Variants in DCAF4 observed in about 807,000 individuals in gnomAD.
The protein encoded by DCAF4 is DDB1 and CUL4 associated factor 4.
Under a neutral mutation model 60.9 loss-of-function variants are expected in DCAF4, and 37 were observed. The observed-to-expected ratio is 0.61, with a 90% CI of 0.47 to 0.80. The LOEUF is 0.80. Among genes scored for constraint, DCAF4 ranks in the 30% least tolerant of loss-of-function variants. DCAF4 has a pLI of 0.00. For missense variants in DCAF4, 577 were observed against 650.0 expected (o/e 0.89, Z 1.22); for synonymous variants, 243 against 254.8 (o/e 0.95, Z 0.44).
At chr14:72,939,262 G>A (rs1448296248) in intron 2 of DCAF4, among the ~76,000 whole-genome samples, 1 of 152,134 alleles carries the variant, frequency 6.6e-6, no homozygotes, top group African/African-American at 2.4e-5. Flanking sequence ...AATTCCCTCA[G>A]AAGCTACTTG....
chr14:72,945,233 A>G (rs1187728369), intron 6 of DCAF4, among the ~76,000 whole-genome samples: 2 of 152,026 alleles, frequency 1.3e-5, no homozygotes, highest in African/African-American at 4.8e-5. Context: ...TCTCTACAAA[A>G]AAATATAAAA....
At chr14:72,941,667 T>C (rs1476828548) in intron 4 of DCAF4, 78 bp from the exon 5 acceptor site, 2 of 1,378,756 alleles carry the variant, frequency 1.5e-6, no homozygotes, top group Admixed American at 1.8e-5. Flanking sequence ...TTACATCCTA[T>C]GGAACTAAAA....
chr14:72,935,547 A>T (rs1889154553), intron 1 of DCAF4, among the ~76,000 whole-genome samples: 1 of 152,160 alleles, frequency 6.6e-6, no homozygotes, highest in Non-Finnish European at 1.5e-5. Context: ...GAGCCACCAC[A>T]TCCGGCCTTT....
At chr14:72,946,541 C>T (rs1213244656) in intron 7 of DCAF4, among the ~76,000 whole-genome samples, 4 of 152,164 alleles carry the variant, frequency 2.6e-5, no homozygotes, top group Admixed American at 6.6e-5. Context: ...TCCTCAGGAC[C>T]GTCCCTCCAG....
At chr14:72,933,452 G>A (rs907943005) in intron 1 of DCAF4, among the ~76,000 whole-genome samples, 5 of 151,538 alleles carry the variant, frequency 3.3e-5, no homozygotes, top group South Asian at 4.2e-4. Flanking sequence ...CCAGCTATTC[G>A]GGAGGCTGAG....
chr14:72,960,472 C>T (rs970268259), downstream of DCAF4: 9 of 236,988 alleles, frequency 3.8e-5, no homozygotes, highest in South Asian at 1.4e-4. Context: ...ATATTTAATC[C>T]GTCCGCCCCA....
intron 7 of DCAF4, among the ~76,000 whole-genome samples, chr14:72,946,712 G>A (rs1890788265): frequency 6.6e-6 from 1 of 152,202 alleles, no homozygotes; most frequent in South Asian, 2.1e-4. Flanking sequence ...AAACAAATAA[G>A]AGGAGCTTGC....
At chr14:72,945,794 A>G in intron 6 of DCAF4, 90 bp from the exon 7 acceptor site, 1 of 1,541,862 alleles carries the variant, frequency 6.5e-7, no homozygotes, top group Non-Finnish European at 8.8e-7. Flanking sequence ...TGCACAGAGC[A>G]TGGGGGCCAG....
In DCAF4 at chr14:72,954,215, C is replaced by T. The variant is rs1309771372; in HGVS notation, c.860C>T (p.Ser287Phe). The change falls in exon 10 of 14, where the codon TCC becomes TTC. Residue 287 changes from serine (S) to phenylalanine (F), a missense_variant. Ser to Phe is a radical substitution (Grantham distance 155). Coordinates refer to ENST00000358377, the MANE Select transcript of DCAF4 (RefSeq NM_015604.4). The part of the protein sequence containing the change: ...LCSFRIPGAW[S>F]CAWSLNIQAN... Reference sequence around the variant, plus strand: ...AGTTTCCGGATCCCTGGTGCCTGGTCCTGTGCCTGGTCCCTGAATATCCAA... The same window carrying T: ...AGTTTCCGGATCCCTGGTGCCTGGTTCTGTGCCTGGTCCCTGAATATCCAA... 4 of 1,614,192 alleles carry T rather than the reference C, an allele frequency of 2.5e-6. No homozygotes were observed. Among genetic ancestry groups the T allele is most frequent in the Non-Finnish European group, 3.4e-6 (4 of 1,180,046 alleles).
At chr14:72,935,996 C>G (rs1889214336) in intron 1 of DCAF4, among the ~76,000 whole-genome samples, 2 of 152,012 alleles carry the variant, frequency 1.3e-5, no homozygotes, top group Admixed American at 1.3e-4. Context: ...CTCTATTGCC[C>G]AGGCTGGTCT....
At chr14:72,952,352 G>A (rs747290907) in intron 9 of DCAF4, among the ~76,000 whole-genome samples, 3 of 152,152 alleles carry the variant, frequency 2.0e-5, no homozygotes, top group Non-Finnish European at 2.9e-5. Context: ...GACCTGGCAC[G>A]AATCCCAGCT....
intron 8 of DCAF4, among the ~76,000 whole-genome samples, chr14:72,948,186 TG>T (rs1351898956): frequency 3.9e-5 from 6 of 152,208 alleles, no homozygotes; most frequent in Non-Finnish European, 7.4e-5. Context: ...GGAGTTTTTT[TG>T]GATTTTAATT....
chr14:72,936,442 T>C (rs1223273714), intron 1 of DCAF4, among the ~76,000 whole-genome samples: 1 of 151,884 alleles, frequency 6.6e-6, no homozygotes, highest in African/African-American at 2.4e-5. Flanking sequence ...CAGGTGCCTG[T>C]AGTCCCAGCT....
chr14:72,950,819 T>A (rs78636128), intron 8 of DCAF4, among the ~76,000 whole-genome samples: 16 of 144,784 alleles, frequency 1.1e-4, no homozygotes, highest in African/African-American at 3.8e-4. Flanking sequence ...TGTTTTTTTT[T>A]AAACAAAAGC....
chr14:72,958,492 T>C (rs562513928), intron 13 of DCAF4, 120 bp from the exon 14 acceptor site: 1 of 1,151,046 alleles, frequency 8.7e-7, no homozygotes, highest in Non-Finnish European at 1.3e-6. Flanking sequence ...TTAATGAGTT[T>C]GTGTTTTGGC....
chr14:72,960,243 G>C (rs527764524), downstream of DCAF4, among the ~76,000 whole-genome samples: 3 of 151,392 alleles, frequency 2.0e-5, no homozygotes, highest in African/African-American at 7.3e-5. Context: ...TCCACCTCCT[G>C]GGTTCTAGTG....
chr14:72,941,492 C>A (rs1225957677), intron 4 of DCAF4, among the ~76,000 whole-genome samples: 1 of 152,140 alleles, frequency 6.6e-6, no homozygotes, highest in Admixed American at 6.5e-5. Context: ...TTCGTCCCCC[C>A]GGGTGTATGT....
intron 1 of DCAF4, among the ~76,000 whole-genome samples, chr14:72,935,565 T>A (rs184476876): frequency 6.6e-6 from 1 of 152,312 alleles, no homozygotes; most frequent in Admixed American, 6.5e-5. Flanking sequence ...TTTAAAATGA[T>A]TTTTGCTTGA....
At position 72,940,054 on chromosome 14, in the gene DCAF4, C is replaced by T. The variant is rs189158832; in HGVS notation, c.193+152C>T. On this transcript the variant is annotated intron_variant, in intron 3 of 13. Transcript: ENST00000358377. ...ATGGTGGTCATGAGGCAAACCGCCT[C>T]CCCCAGGACTGAGCACAGTCCAGGA... 584 of 1,187,068 alleles carry T rather than the reference C, an allele frequency of 4.9e-4. 1 individual carries two copies. In the African/African-American group the frequency reaches 8.1e-3, roughly 16 times the overall value. The allele number at this position is 1,187,068 out of a possible 1,614,324, so 73.5% of individuals were successfully genotyped here.
Sources: allele counts gnomAD v4.1 joint callset (sites outside exome capture counted in the v4.1 genomes callset), GRCh38; gene constraint gnomAD v4.1.1; transcripts MANE v1.5; gene names NCBI Gene and HGNC (gene_info 2026-07-23, HGNC 2026-07-21).